LIPG: variants seen among roughly 807,000 people sequenced by gnomAD.
LIPG encodes the protein endothelial lipase.
Under a neutral mutation model 51.8 loss-of-function variants are expected in LIPG, and 34 were observed. That is an observed-to-expected ratio of 0.66 (90% CI 0.50 to 0.87). The LOEUF is 0.87. Among genes scored for constraint, LIPG ranks in the 40% least tolerant of loss-of-function variants. The pLI, the probability that LIPG is intolerant of heterozygous loss-of-function variation, is 0.00. For missense variants in LIPG, 580 were observed against 652.7 expected, an observed-to-expected ratio of 0.89 and a Z score of 1.21; for synonymous variants, 246 against 246.1, an observed-to-expected ratio of 1.00 and a Z score of 0.00.
At chr18:49,562,985 T>C (rs1162566458) in intron 1 of LIPG, among the ~76,000 whole-genome samples, 1 of 152,174 alleles carries the variant, frequency 6.6e-6, no homozygotes, top group Admixed American at 6.5e-5. Context: ...CTCTTCCTCT[T>C]CCCACTCCTC....
chr18:49,585,251 C>T (rs866822371), intron 8 of LIPG, among the ~76,000 whole-genome samples: 7 of 152,192 alleles, frequency 4.6e-5, no homozygotes, highest in South Asian at 2.1e-4. Flanking sequence ...TTATTACAGA[C>T]GGGGTTTCGC....
chr18:49,577,838 G>A lies in LIPG; in HGVS notation c.793+2248G>A, dbSNP rs1351749294. The stretch of plus-strand genomic sequence containing the variant: ...TCCCGGACGGGGCGGCTGGCCGGGT[G>A]GGGGGGCTGACCCCCCCATCTCCCT... On this transcript the variant is annotated intron_variant, in intron 5 of 9. Coordinates refer to ENST00000261292, the MANE Select transcript of LIPG (RefSeq NM_006033.4). Among the ~76,000 whole-genome samples the A allele has an allele frequency of 1.4e-4, 16 of 116,162 alleles. 2 individuals carry two copies. The highest frequency in any genetic ancestry group is 6.1e-4 in the African/African-American group (16 of 26,336). The allele number at this position is 116,162 out of a possible 152,430, so 76.2% of individuals were successfully genotyped here. A position where few individuals can be genotyped will look rare whatever the true frequency, so the allele number is the denominator to read the frequency against.
rs1600552359 is a variant in LIPG at position 49,575,525 on chromosome 18, C to T, written c.728C>T (p.Pro243Leu). The T allele has an allele frequency of 1.2e-6, 2 of 1,614,170 alleles. No homozygotes were observed. The highest frequency in any genetic ancestry group is 2.2e-5 in the East Asian group (1 of 44,866). The change falls in exon 5 of 10, where the codon CCC (proline) becomes CTC (leucine). Residue 243 changes from proline to leucine, a missense_variant. By Grantham distance (98) the Pro-to-Leu change is moderately conservative. Coordinates refer to ENST00000261292, the MANE Select transcript of LIPG (RefSeq NM_006033.4). ...QMPVGHIDIYPNGGDFQPGCG... is the reference protein window; with the variant it reads ...QMPVGHIDIYLNGGDFQPGCG... ...CCTGTGGGCCACATTGACATCTACC[C>T]CAATGGGGGTGACTTCCAGCCAGGC...
chr18:49,562,456 C>T (rs35978968), intron 1 of LIPG, 51 bp downstream of exon 1: 451,344 of 1,479,966 alleles, frequency 0.3, 71,900 homozygotes, highest in Middle Eastern at 0.39. Flanking sequence ...GTGCTGGGTC[C>T]CCTCTGTCTT....
Position 49,567,623 on chromosome 18 carries a change from T to A in LIPG, c.459+2T>A. 6.2e-7 allele frequency: 1 copy of A among 1,613,712 alleles called. No individual in the cohort carries two copies. The highest frequency in any genetic ancestry group is 8.5e-7 in the Non-Finnish European group (1 of 1,179,946). On this transcript the variant is annotated splice_donor_variant, in intron 3 of 9. Transcript: ENST00000261292. LOFTEE classifies it high-confidence loss of function. ...GCCAGGATGCTCGACTGGCTGCAGG[T>A]ACTGGGGGATGAGAGGGAGTCTCCT...
At chr18:49,585,877 T>C (rs552389890) in intron 8 of LIPG, among the ~76,000 whole-genome samples, 9 of 152,344 alleles carry the variant, frequency 5.9e-5, no homozygotes, top group African/African-American at 1.9e-4. Flanking sequence ...CTGCTGTTGT[T>C]TGAATTTGCA....
intron 9 of LIPG, among the ~76,000 whole-genome samples, chr18:49,587,230 C>T (rs745400244): frequency 6.6e-5 from 10 of 150,960 alleles, no homozygotes; most frequent in Admixed American, 1.3e-4. Flanking sequence ...GCTGAGACCG[C>T]AATGTTGCAC....
rs894404396 is a variant in LIPG at position 49,596,564 on chromosome 18, G to A, written c.*6042G>A. 1 of 149,272 alleles carries A rather than the reference G, an allele frequency of 6.7e-6. No homozygotes were observed. Among genetic ancestry groups the A allele is most frequent in the Non-Finnish European group, 1.5e-5 (1 of 67,768 alleles). The allele number at this position is 149,272 out of a possible 1,614,324, so 9.2% of individuals were successfully genotyped here. A position where few individuals can be genotyped will look rare whatever the true frequency, so the allele number is the denominator to read the frequency against. On this transcript the variant is annotated 3_prime_UTR_variant, in exon 10 of 10. Transcript: ENST00000261292. ...GTAGGAAAATCACTTGAACCCAGAAGGCAGAAGTTGCAGTGAGCCTAGATC... is the reference window on the plus strand; with the variant it reads ...GTAGGAAAATCACTTGAACCCAGAAAGCAGAAGTTGCAGTGAGCCTAGATC...
At chr18:49,562,465 T>G in intron 1 of LIPG, 60 bp downstream of exon 1, 2 of 1,407,120 alleles carry the variant, frequency 1.4e-6, no homozygotes, top group African/African-American at 1.4e-5. Flanking sequence ...CCCCTCTGTC[T>G]TGCTGATTCT....
At chr18:49,565,989 A>G (rs1290542494) in intron 2 of LIPG, among the ~76,000 whole-genome samples, 1 of 152,220 alleles carries the variant, frequency 6.6e-6, no homozygotes, top group Non-Finnish European at 1.5e-5. Context: ...GCCCTAGCTG[A>G]GCAATTCACA....
rs1287718177 is a variant in LIPG at position 49,567,492 on chromosome 18, C to G, written c.330C>G (p.His110Gln). 1 of 1,614,210 alleles carries G rather than the reference C, an allele frequency of 6.2e-7. No homozygotes were observed. Among genetic ancestry groups the G allele is most frequent in the Non-Finnish European group, 8.5e-7 (1 of 1,180,034 alleles). Residue 110 changes from histidine (H) to glutamine (Q), a missense_variant, in exon 3 of 10, where the codon CAC becomes CAG. Coordinates refer to ENST00000261292, the MANE Select transcript of LIPG (RefSeq NM_006033.4). ...NWLHKLVSAL[H>Q]TREKDANVVV... ...TGCACAAACTCGTGTCAGCCCTGCA[C>G]ACAAGAGAGAAAGACGCCAATGTAG...
chr18:49,562,466 T>A, intron 1 of LIPG, 61 bp downstream of exon 1: 1 of 1,409,956 alleles, frequency 7.1e-7, no homozygotes, highest in Non-Finnish European at 1.0e-6. Flanking sequence ...CCCTCTGTCT[T>A]GCTGATTCTT....
At position 49,565,503 on chromosome 18, in the gene LIPG, G is replaced by A; in HGVS notation, c.279+5G>A. The A allele has an allele frequency of 6.2e-7, 1 of 1,614,206 alleles. No individual in the cohort carries two copies. Among genetic ancestry groups the A allele is most frequent in the Non-Finnish European group, 8.5e-7 (1 of 1,180,012 alleles). On this transcript the variant is annotated splice_donor_5th_base_variant and intron_variant, in intron 2 of 9. Coordinates refer to ENST00000261292, the MANE Select transcript of LIPG (RefSeq NM_006033.4). Reference sequence around the variant, plus strand: ...TTCATCATTCACGGATGGACGGTGAGCCCGGGGAGGGAGCTCTGCGGCTTT... The same window carrying A: ...TTCATCATTCACGGATGGACGGTGAACCCGGGGAGGGAGCTCTGCGGCTTT...
chr18:49,569,288 A>C (rs2084638428), intron 3 of LIPG, 149 bp from the exon 4 acceptor site: 4 of 738,652 alleles, frequency 5.4e-6, no homozygotes. Flanking sequence ...ATGTAGCATC[A>C]CCAGCAAAGC....
intron 5 of LIPG, among the ~76,000 whole-genome samples, chr18:49,579,330 C>T (rs1030340174): frequency 6.6e-6 from 1 of 151,046 alleles, no homozygotes; most frequent in Admixed American, 6.6e-5. Context: ...TAACATTTTT[C>T]TTCTTCTTCT....
At chr18:49,578,578 A>G (rs1197685911) in intron 5 of LIPG, among the ~76,000 whole-genome samples, 67 of 146,864 alleles carry the variant, frequency 4.6e-4, no homozygotes, top group African/African-American at 1.7e-3. Flanking sequence ...ATCCCAGACG[A>G]TGGGCGGCCA....
intron 8 of LIPG, among the ~76,000 whole-genome samples, chr18:49,583,994 G>C (rs1473259539): frequency 6.6e-6 from 1 of 152,186 alleles, no homozygotes; most frequent in African/African-American, 2.4e-5. Flanking sequence ...CAGGGAGACG[G>C]GTGGGCCAGT....
In LIPG at chr18:49,593,691, C is replaced by G. The variant is rs781367816; in HGVS notation, c.*3169C>G. On this transcript the variant is annotated 3_prime_UTR_variant, in exon 10 of 10. Transcript: ENST00000261292. Reference sequence around the variant, plus strand: ...CCACAGCCCAGGGGTCCCCTACCAGCCAATGGAAAGCCAGAAAAGGGAAGG... The same window carrying G: ...CCACAGCCCAGGGGTCCCCTACCAGGCAATGGAAAGCCAGAAAAGGGAAGG... 1 of 152,158 alleles carries G rather than the reference C, an allele frequency of 6.6e-6. No homozygotes were observed. The allele number at this position is 152,158 out of a possible 1,614,324, so 9.4% of individuals were successfully genotyped here.
At position 49,595,587 on chromosome 18, in the gene LIPG, T is replaced by C. The variant is rs2084978296; in HGVS notation, c.*5065T>C. The C allele has an allele frequency of 1.3e-5, 2 of 152,190 alleles. No individual in the cohort carries two copies. The highest frequency in any genetic ancestry group is 2.9e-5 in the Non-Finnish European group (2 of 68,020). 9.4% of individuals were successfully genotyped at this position (152,190 alleles called of 1,614,324 possible). A position where few individuals can be genotyped will look rare whatever the true frequency, so the allele number is the denominator to read the frequency against. ...GCTCACCCCTGTAATCTCAGCACTT[T>C]GGGAGGCTGAGATGGGAGGATCACG... On this transcript the variant is annotated 3_prime_UTR_variant, in exon 10 of 10. Transcript: ENST00000261292.
Sources: allele counts gnomAD v4.1 joint callset (sites outside exome capture counted in the v4.1 genomes callset), GRCh38; gene constraint gnomAD v4.1.1; transcripts MANE v1.5; gene names NCBI Gene and HGNC (gene_info 2026-07-23, HGNC 2026-07-21).